Variants in UBIAD1 observed in about 807,000 individuals in gnomAD.
The protein encoded by UBIAD1 is ubiA prenyltransferase domain-containing protein 1.
Under a neutral mutation model 20.1 loss-of-function variants are expected in UBIAD1, and 12 were observed. That is an observed-to-expected ratio of 0.60 (90% confidence interval 0.38 to 0.97). UBIAD1 has a LOEUF of 0.97. Among genes scored for constraint, UBIAD1 ranks in the 50% least tolerant of loss-of-function variants. The pLI is 0.00. For missense variants in UBIAD1, 333 were observed against 419.5 expected (o/e 0.79, Z 1.80); for synonymous variants, 207 against 189.2 (o/e 1.09, Z -0.77).
chr1:11,275,962 G>A (rs1233042304), intron 1 of UBIAD1, among the ~76,000 whole-genome samples: 1 of 152,184 alleles, frequency 6.6e-6, no homozygotes, highest in East Asian at 1.9e-4. Flanking sequence ...TACGTTTGGG[G>A]AGGGTAAGGA....
At chr1:11,274,107 C>T in intron 1 of UBIAD1, 47 bp downstream of exon 1, 1 of 1,609,178 alleles carries the variant, frequency 6.2e-7, no homozygotes, top group Non-Finnish European at 8.5e-7. Context: ...GTCGCGTCCA[C>T]TGGAAACCGC....
rs1213573169 is a variant in UBIAD1 at position 11,287,073 on chromosome 1, T to C, written c.*942T>C. On this transcript the variant is annotated 3_prime_UTR_variant, in exon 2 of 2. Coordinates refer to ENST00000376810, the MANE Select transcript of UBIAD1 (RefSeq NM_013319.3). ...TCCACCTCTGTGGTGTTCCCATTTGTGTGTTTCCCATCTGTGGAGCCAGAC... is the reference window on the plus strand; with the variant it reads ...TCCACCTCTGTGGTGTTCCCATTTGCGTGTTTCCCATCTGTGGAGCCAGAC... 1 of 143,742 alleles carries C rather than the reference T, an allele frequency of 7.0e-6. No individual in the cohort carries two copies. The highest frequency in any genetic ancestry group is 1.5e-5 in the Non-Finnish European group (1 of 67,304). The allele number at this position is 143,742 out of a possible 1,614,324, so 8.9% of individuals were successfully genotyped here.
At chr1:11,294,198 A>C (rs1172311384) in intron 1 of UBIAD1, among the ~76,000 whole-genome samples, 2 of 152,200 alleles carry the variant, frequency 1.3e-5, no homozygotes, top group Admixed American at 6.5e-5. Flanking sequence ...TTTTCATAAG[A>C]GAGGAAACTG....
chr1:11,294,303 TTTA>T (rs140676581), intron 1 of UBIAD1, among the ~76,000 whole-genome samples: 6,929 of 152,030 alleles, frequency 0.046, 220 homozygotes, highest in Non-Finnish European at 0.07. Flanking sequence ...TGCAAGTTCT[TTTA>T]TTATTATTAT....
intron 1 of UBIAD1, among the ~76,000 whole-genome samples, chr1:11,274,480 T>G (rs1227234619): frequency 1.4e-5 from 2 of 145,620 alleles, no homozygotes; most frequent in East Asian, 2.1e-4. Flanking sequence ...TGTATTTTTA[T>G]TAGAGACGGG....
intron 1 of UBIAD1, among the ~76,000 whole-genome samples, chr1:11,277,685 T>C (rs935429670): frequency 2.0e-5 from 3 of 152,238 alleles, no homozygotes; most frequent in African/African-American, 2.4e-5. Context: ...TTTGCTCTTG[T>C]TGCCCAGGCT....
At chr1:11,280,743 C>T (rs900122025) in intron 1 of UBIAD1, among the ~76,000 whole-genome samples, 3 of 152,156 alleles carry the variant, frequency 2.0e-5, no homozygotes, top group South Asian at 2.1e-4. Flanking sequence ...CACTTCTTAC[C>T]GTGTCCAGCC....
At chr1:11,276,989 C>G (rs1215349263) in intron 1 of UBIAD1, among the ~76,000 whole-genome samples, 1 of 152,070 alleles carries the variant, frequency 6.6e-6, no homozygotes, top group Non-Finnish European at 1.5e-5. Context: ...ATAATCCCAA[C>G]ACTTTGGGAG....
downstream of UBIAD1, among the ~76,000 whole-genome samples, chr1:11,292,668 T>TACACACACAC (rs71568319): frequency 6.8e-4 from 96 of 140,742 alleles, 1 homozygote; most frequent in East Asian, 2.8e-3. Flanking sequence ...ATTTTATGTA[T>TACACACACAC]ACACACACAC....
chr1:11,284,932 GGGT>G (rs2101022403), intron 1 of UBIAD1, among the ~76,000 whole-genome samples: 1 of 152,308 alleles, frequency 6.6e-6, no homozygotes, highest in South Asian at 2.1e-4. Flanking sequence ...GGGGGATGGA[GGGT>G]GGCCCCGGGG....
rs765312302 is a variant in UBIAD1 at position 11,286,031 on chromosome 1, A to G, written c.917A>G (p.Asn306Ser). 23 of 1,614,144 alleles carry G rather than the reference A, an allele frequency of 1.4e-5. No individual in the cohort carries two copies. The highest frequency in any genetic ancestry group is 1.9e-5 in the Non-Finnish European group (23 of 1,180,002). Residue 306 changes from asparagine (N) to serine (S), a missense_variant, in exon 2 of 2, where the codon AAC becomes AGC. By Grantham distance (46) the Asn-to-Ser change is conservative. Transcript: ENST00000376810. ...LERQFRSQAF[N>S]KLPQRTAKLN... ...AGACAGTTTCGAAGCCAGGCCTTCAACAAACTGCCCCAGAGGACTGCCAAG... is the reference window on the plus strand; with the variant it reads ...AGACAGTTTCGAAGCCAGGCCTTCAGCAAACTGCCCCAGAGGACTGCCAAG...
intron 1 of UBIAD1, among the ~76,000 whole-genome samples, chr1:11,281,269 A>T (rs1652233794): frequency 6.6e-6 from 1 of 151,922 alleles, no homozygotes; most frequent in East Asian, 1.9e-4. Flanking sequence ...CCCCCACCTG[A>T]TACTTCCCCT....
rs926100715 is a variant in UBIAD1 at position 11,287,398 on chromosome 1, T to C, written c.*1267T>C. On this transcript the variant is annotated 3_prime_UTR_variant, in exon 2 of 2. Transcript: ENST00000376810. Reference sequence around the variant, plus strand: ...CCTGGCTGCGTTTCATTGCATTGTCTGTGAAGTATAATTTCTGGGCCAGAA... The same window carrying C: ...CCTGGCTGCGTTTCATTGCATTGTCCGTGAAGTATAATTTCTGGGCCAGAA... 1 of 152,234 alleles carries C rather than the reference T, an allele frequency of 6.6e-6. No homozygotes were observed. Among genetic ancestry groups the C allele is most frequent in the Non-Finnish European group, 1.5e-5 (1 of 68,046 alleles). The allele number at this position is 152,234 out of a possible 1,614,324, so 9.4% of individuals were successfully genotyped here. A position where few individuals can be genotyped will look rare whatever the true frequency, so the allele number is the denominator to read the frequency against.
downstream of UBIAD1, among the ~76,000 whole-genome samples, chr1:11,289,529 A>G (rs1254373764): frequency 6.6e-6 from 1 of 152,142 alleles, no homozygotes; most frequent in African/African-American, 2.4e-5. Context: ...GAGTTTTCTC[A>G]GTGACTGGAA....
At chr1:11,284,722 C>A in intron 1 of UBIAD1, among the ~76,000 whole-genome samples, 1 of 152,156 alleles carries the variant, frequency 6.6e-6, no homozygotes, top group East Asian at 1.9e-4. Context: ...CCTTGGCCTC[C>A]CAGAGTGCTG....
At position 11,278,305 on chromosome 1, in the gene UBIAD1, C is replaced by T. The variant is rs150197426; in HGVS notation, c.529+4245C>T. On this transcript the variant is annotated intron_variant, in intron 1 of 1. Transcript: ENST00000376810. The stretch of plus-strand genomic sequence containing the variant: ...TAGTCTTTAGAAACACACATGCTTC[C>T]ACTGCCATCTGACACTTCTTACCAC... Among the ~76,000 whole-genome samples, 1,065 of 152,212 alleles carry T rather than the reference C, an allele frequency of 7.0e-3. 12 individuals are homozygous for T. Among genetic ancestry groups the T allele is most frequent in the African/African-American group, 0.024 (1,007 of 41,530 alleles).
intron 1 of UBIAD1, among the ~76,000 whole-genome samples, chr1:11,282,443 C>T (rs1334742686): frequency 6.6e-6 from 1 of 152,148 alleles, no homozygotes; most frequent in African/African-American, 2.4e-5. Context: ...AGCTTTCTCC[C>T]CAAGGGCTCT....
At chr1:11,297,597 G>A (rs1557525442), downstream of UBIAD1, among the ~76,000 whole-genome samples, 1 of 152,242 alleles carries the variant, frequency 6.6e-6, no homozygotes, top group Non-Finnish European at 1.5e-5. Flanking sequence ...CCTTCTGTCA[G>A]GAGAGCCAAG....
chr1:11,296,091 C>A (rs1297427897), downstream of UBIAD1: 2 of 152,238 alleles, frequency 1.3e-5, no homozygotes, highest in African/African-American at 4.8e-5. Flanking sequence ...CTGATGCCAT[C>A]TGCAGGTGGC....
Sources: allele counts gnomAD v4.1 joint callset (sites outside exome capture counted in the v4.1 genomes callset), GRCh38; gene constraint gnomAD v4.1.1; transcripts MANE v1.5; gene names NCBI Gene and HGNC (gene_info 2026-07-23, HGNC 2026-07-21).